Variants in GLYATL2 observed in about 807,000 individuals in gnomAD.
GLYATL2 encodes glycine-N-acyltransferase like 2.
Under a neutral mutation model 21.4 loss-of-function variants are expected in GLYATL2, and 25 were observed. That is an observed-to-expected ratio of 1.17 (90% CI 0.85 to 1.63). GLYATL2 has a LOEUF of 1.63. Among genes scored for constraint, GLYATL2 ranks in the 40% most tolerant of loss-of-function variants. The probability of loss-of-function intolerance (pLI) is 0.00; values close to 1 mark genes in which losing one functional copy is unlikely to be tolerated. For missense variants in GLYATL2, 361 were observed against 343.3 expected, an observed-to-expected ratio of 1.05 and a Z score of -0.41; for synonymous variants, 114 against 118.2, an observed-to-expected ratio of 0.96 and a Z score of 0.23.
chr11:58,863,472 T>C (rs1428507950), intron 1 of GLYATL2, among the ~76,000 whole-genome samples: 1 of 152,198 alleles, frequency 6.6e-6, no homozygotes, highest in Admixed American at 6.5e-5. Context: ...ATGGCCAGCC[T>C]AGCATCAGGA....
chr11:58,852,575 A>G (rs1430960676), intron 1 of GLYATL2, among the ~76,000 whole-genome samples: 1 of 152,200 alleles, frequency 6.6e-6, no homozygotes, highest in Admixed American at 6.5e-5. Flanking sequence ...TGAGATAGAG[A>G]TAGGGTAAAT....
At position 58,834,750 on chromosome 11, in the gene GLYATL2, G is replaced by T; in HGVS notation, c.564C>A (p.Ser188Arg). 1 of 1,613,880 alleles carries T rather than the reference G, an allele frequency of 6.2e-7. No individual in the cohort carries two copies. Among genetic ancestry groups the T allele is most frequent in the Admixed American group, 1.7e-5 (1 of 59,998 alleles). Residue 188 changes from serine (S) to arginine (R), a missense_variant, in exon 6 of 6, where the codon AGC becomes AGA. Ser to Arg is a moderately radical substitution (Grantham distance 110, BLOSUM62 -1). Coordinates refer to ENST00000287275, the MANE Select transcript of GLYATL2 (RefSeq NM_145016.4). ...EHWAFGKNER[S>R]LKYIERCLQD... The stretch of plus-strand genomic sequence containing the variant: ...GGAGGCAGCGTTCAATATATTTCAA[G>T]CTCCTCTCATTTTTCCCAAAGGCCC...
intron 1 of GLYATL2, among the ~76,000 whole-genome samples, chr11:58,862,627 G>A (rs1853951810): frequency 1.3e-5 from 2 of 152,024 alleles, no homozygotes; most frequent in Non-Finnish European, 2.9e-5. Context: ...CAACCATTGT[G>A]TCCTTTATGT....
chr11:58,864,835 G>T (rs952269496), intron 1 of GLYATL2, among the ~76,000 whole-genome samples: 1 of 149,000 alleles, frequency 6.7e-6, no homozygotes, highest in Non-Finnish European at 1.5e-5. Flanking sequence ...ATGTCTAGTT[G>T]CACAGCATCC....
rs200662630 is a variant in GLYATL2, at chr11:58,838,245, T to C, written c.186+16A>G. 1.1e-4 allele frequency: 173 copies of C among 1,538,370 alleles called. 1 individual carries two copies. Among genetic ancestry groups the C allele is most frequent in the Non-Finnish European group, 1.4e-4 (156 of 1,112,120 alleles). On this transcript the variant is annotated intron_variant, in intron 3 of 5. Coordinates refer to ENST00000287275, the MANE Select transcript of GLYATL2 (RefSeq NM_145016.4). The stretch of plus-strand genomic sequence containing the variant: ...GGAGAGTGACTACCCTCATATTCAG[T>C]AACTATTGCTCCTACCTGTTTCTGA...
At chr11:58,836,795 A>T (rs1212728635) in intron 5 of GLYATL2, among the ~76,000 whole-genome samples, 1 of 152,190 alleles carries the variant, frequency 6.6e-6, no homozygotes, top group East Asian at 1.9e-4. Context: ...TCTCAGAAGG[A>T]CGTTGTGAGC....
At chr11:58,894,476 C>CCAAAAAAAAAA (rs5792135) in intron 1 of GLYATL2, among the ~76,000 whole-genome samples, 1 of 116,546 alleles carries the variant, frequency 8.6e-6, no homozygotes, top group Non-Finnish European at 1.7e-5. Flanking sequence ...GCAGCTATAG[C>CCAAAAAAAAAA]AAAAAAAAAA....
At position 58,834,415 on chromosome 11, in the gene GLYATL2, G is replaced by A. The variant is rs371809820; in HGVS notation, c.*14C>T. The A allele has an allele frequency of 1.9e-5, 29 of 1,556,562 alleles. No homozygotes were observed. The highest frequency in any genetic ancestry group is 4.0e-4 in the Middle Eastern group (2 of 5,018). On this transcript the variant is annotated 3_prime_UTR_variant, in exon 6 of 6. Transcript: ENST00000287275. ...TTACTGATAAGAAAGATTTGAAATGGACAGTGGAATCAATCAACAATATTT... is the reference window on the plus strand; with the variant it reads ...TTACTGATAAGAAAGATTTGAAATGAACAGTGGAATCAATCAACAATATTT...
At position 58,886,285 on chromosome 11, in the gene GLYATL2, A is replaced by G. The variant is rs374163629; in HGVS notation, n.60+17871T>C. On this transcript the variant is annotated intron_variant and non_coding_transcript_variant, in intron 1 of 4. Coordinates refer to the GLYATL2 transcript ENST00000533636. ...GACTCATAATTACTGTGTGTCAACT[A>G]TATGGAAGCACGTCTTTTGTTAGTG... 1.6e-4 allele frequency among the ~76,000 whole-genome samples: 25 copies of G among 152,326 alleles called. No individual in the cohort carries two copies. In the East Asian group the frequency reaches 2.9e-3, roughly 18 times the overall value.
chr11:58,880,723 T>C (rs764888827), intron 1 of GLYATL2, among the ~76,000 whole-genome samples: 1 of 152,228 alleles, frequency 6.6e-6, no homozygotes, highest in Non-Finnish European at 1.5e-5. Context: ...GATAGACTCA[T>C]GTCAGAGATC....
chr11:58,846,578 A>G (rs1853648592), upstream of GLYATL2, among the ~76,000 whole-genome samples: 1 of 152,052 alleles, frequency 6.6e-6, no homozygotes, highest in Non-Finnish European at 1.5e-5. Context: ...CATGTTAGAC[A>G]CAAAGGAAAA....
chr11:58,846,203 ATTAC>A (rs1169977001), upstream of GLYATL2, among the ~76,000 whole-genome samples: 4 of 152,124 alleles, frequency 2.6e-5, no homozygotes, highest in African/African-American at 7.2e-5. Flanking sequence ...TATACTGAGT[ATTAC>A]TTAAGTAATT....
chr11:58,884,673 G>A (rs1235823142), intron 1 of GLYATL2, among the ~76,000 whole-genome samples: 7 of 152,134 alleles, frequency 4.6e-5, no homozygotes. Flanking sequence ...TTCCACCAGG[G>A]AGGAAGGGCA....
chr11:58,885,824 G>A (rs958860328), intron 1 of GLYATL2, among the ~76,000 whole-genome samples: 2 of 152,122 alleles, frequency 1.3e-5, no homozygotes, highest in Non-Finnish European at 2.9e-5. Flanking sequence ...TCACCTGCAG[G>A]GGCTGAAAGG....
intron 1 of GLYATL2, among the ~76,000 whole-genome samples, chr11:58,843,954 T>G (rs1853597534): frequency 6.6e-6 from 1 of 152,144 alleles, no homozygotes. Flanking sequence ...TTGCCAAATG[T>G]TTCAATGAAT....
At chr11:58,846,537 A>C (rs969503416), upstream of GLYATL2, among the ~76,000 whole-genome samples, 1 of 151,836 alleles carries the variant, frequency 6.6e-6, no homozygotes, top group African/African-American at 2.4e-5. Context: ...GAAAGAACAC[A>C]GCAATTATGA....
chr11:58,869,021 GGT>G lies in GLYATL2; in HGVS notation n.61-30655_61-30654del, dbSNP rs1565098923. 2.3e-4 allele frequency among the ~76,000 whole-genome samples: 30 copies of G among 128,846 alleles called. 1 individual carries two copies. Among genetic ancestry groups the G allele is most frequent in the East Asian group, 2.0e-3 (5 of 2,560 alleles). 84.5% of individuals were successfully genotyped at this position (128,846 alleles called of 152,430 possible). ...TCCAGGCAAGTGAGTGTCTTTTGTG[GGT>G]ACCAGATGGTGGGATCAGCTCCTCT... On this transcript the variant is annotated intron_variant and non_coding_transcript_variant, in intron 1 of 4. Coordinates refer to the GLYATL2 transcript ENST00000533636.
At chr11:58,907,536 A>G (rs1338288406), upstream of GLYATL2, 1 of 361,154 alleles carries the variant, frequency 2.8e-6, no homozygotes, top group Non-Finnish European at 5.4e-6. Context: ...CTGTTACTCC[A>G]TTTTGGCCAG....
chr11:58,905,751 C>CT, upstream of GLYATL2: 1 of 13,934 alleles, frequency 7.2e-5, no homozygotes. Context: ...GGAGGGTGGG[C>CT]GGGTGGGCGC....
Sources: gnomAD v4.1 joint callset for allele counts (sites outside exome capture counted in the v4.1 genomes callset) on GRCh38, gnomAD v4.1.1 for gene constraint, MANE v1.5 for transcripts, NCBI Gene and HGNC (gene_info 2026-07-23, HGNC 2026-07-21) for gene names.